Variants in PPL observed in about 807,000 individuals in gnomAD.
The protein encoded by PPL is periplakin.
PPL carries 198 observed loss-of-function variants against 194.4 expected under a neutral mutation model. That is an observed-to-expected ratio of 1.02 (90% CI 0.91 to 1.15). The LOEUF (loss-of-function observed/expected upper bound fraction) is 1.15. Among genes scored for constraint, PPL ranks in the 50% most tolerant of loss-of-function variants. PPL has a pLI of 0.00. For synonymous variants in PPL, 1,220 were observed against 972.4 expected (o/e 1.25, Z -4.74); for missense variants, 2,885 against 2,294.8 (o/e 1.26, Z -5.25).
chr16:4,915,099 C>T (rs897880493), intron 1 of PPL, among the ~76,000 whole-genome samples: 3 of 152,232 alleles, frequency 2.0e-5, no homozygotes, highest in African/African-American at 7.2e-5. Flanking sequence ...GGCCAGCTCC[C>T]AAACCAGCCC....
Position 4,888,212 on chromosome 16 carries a change from C to T in PPL, c.2404G>A (p.Glu802Lys), listed in dbSNP as rs1567991315. Residue 802 changes from glutamate to lysine, a missense_variant, in exon 20 of 22, where the codon GAG becomes AAG. Transcript: ENST00000345988. ...QQYQQAVKDY[E>K]LEAEKLRSLL... is the part of the protein sequence containing the mutation. ...GACCTTAGTTTTTCTGCTTCTAACT[C>T]ATAGTCCTGCATGAGGGAGAGACAT... 6.3e-7 allele frequency: 1 copy of T among 1,595,958 alleles called. No homozygotes were observed. The highest frequency in any genetic ancestry group is 2.2e-5 in the East Asian group (1 of 44,758).
intron 1 of PPL, among the ~76,000 whole-genome samples, chr16:4,920,572 A>C (rs936997669): frequency 1.3e-5 from 2 of 152,084 alleles, no homozygotes; most frequent in Middle Eastern, 3.4e-3. Context: ...AAGTGATTCT[A>C]CTGCCTCAGC....
chr16:4,934,247 G>A (rs1240487342), intron 1 of PPL, among the ~76,000 whole-genome samples: 3 of 152,030 alleles, frequency 2.0e-5, no homozygotes, highest in South Asian at 2.1e-4. Context: ...ACCCTGTCCC[G>A]GCCCTCCCCA....
At chr16:4,917,604 T>C (rs753632797) in intron 1 of PPL, among the ~76,000 whole-genome samples, 4 of 152,110 alleles carry the variant, frequency 2.6e-5, no homozygotes, top group African/African-American at 7.2e-5. Flanking sequence ...TCTGTGACTA[T>C]ATTAATATCC....
chr16:4,885,427 GTCC>G lies in PPL; in HGVS notation c.3225_3227del (p.Glu1075del). On this transcript the variant is annotated inframe_deletion, in exon 22 of 22. Transcript: ENST00000345988. This position sits in a 1 kb window ranked among gnomAD's most constrained non-coding sequence, Gnocchi z 6.3. ...CCCTGAGCTGGTCCTGGCGCTGGTG[GTCC>G]TCCTGCAGCTGCTGGTACTCTGCCT... 6.2e-7 allele frequency: 1 copy of G among 1,612,538 alleles called. No homozygotes were observed. The highest frequency in any genetic ancestry group is 8.5e-7 in the Non-Finnish European group (1 of 1,179,978).
Position 4,936,893 on chromosome 16 carries a change from C to G in PPL, c.62+91G>C, listed in dbSNP as rs368941545. On this transcript the variant is annotated intron_variant, in intron 1 of 21. Coordinates refer to ENST00000345988, the MANE Select transcript of PPL (RefSeq NM_002705.5). The stretch of plus-strand genomic sequence containing the variant: ...TCCCGGTTCCTGGACCCCCGTACCC[C>G]CCATTCCTACACTGCCCGGGAGGTC... 8.4e-6 allele frequency: 11 copies of G among 1,316,238 alleles called. No homozygotes were observed. The East Asian group carries it at 8.7e-5, about 10-fold the overall frequency. 81.5% of individuals were successfully genotyped at this position (1,316,238 alleles called of 1,614,324 possible).
chr16:4,889,191 C>G, intron 18 of PPL, 130 bp from the exon 19 acceptor site: 2 of 611,992 alleles, frequency 3.3e-6, no homozygotes, highest in East Asian at 6.0e-5. Flanking sequence ...TGAATGGCTC[C>G]CTTGTATACA....
At chr16:4,934,573 C>G (rs906979533) in intron 1 of PPL, among the ~76,000 whole-genome samples, 2 of 152,174 alleles carry the variant, frequency 1.3e-5, no homozygotes, top group African/African-American at 4.8e-5. Context: ...GTGAGGCATT[C>G]TGCTCTCAGT....
rs1388150983 is a variant in PPL, at chr16:4,891,752, G to A, written c.1968+59C>T. ...CATCTATCCAGACGGGCGGGTGGAT[G>A]TGCCAGATGCTCTCACCTGCTCAGA... On this transcript the variant is annotated intron_variant, in intron 16 of 21. Coordinates refer to ENST00000345988, the MANE Select transcript of PPL (RefSeq NM_002705.5). The A allele has an allele frequency of 4.6e-6, 7 of 1,535,666 alleles. No homozygotes were observed. The African/African-American group carries it at 6.9e-5, about 15-fold the overall frequency.
intron 21 of PPL, among the ~76,000 whole-genome samples, chr16:4,886,862 GC>G (rs2142330641): frequency 6.6e-6 from 1 of 152,250 alleles, no homozygotes; most frequent in African/African-American, 2.4e-5. Flanking sequence ...CAGGTGATCC[GC>G]CTGCCTCGGC....
intron 9 of PPL, among the ~76,000 whole-genome samples, chr16:4,897,457 C>T (rs1176861586): frequency 6.6e-6 from 1 of 151,822 alleles, no homozygotes; most frequent in African/African-American, 2.4e-5. Context: ...GGGAATCAGA[C>T]TCTGGCCCTG....
At position 4,937,015 on chromosome 16, in the gene PPL, C is replaced by T. The variant is rs779928355; in HGVS notation, c.31G>A (p.Gly11Ser). Residue 11 changes from glycine (G) to serine (S), a missense_variant, in exon 1 of 22, where the codon GGC becomes AGC. Gly to Ser is a moderately conservative substitution (Grantham distance 56). Coordinates refer to ENST00000345988, the MANE Select transcript of PPL (RefSeq NM_002705.5). The part of the protein sequence containing the change: MNSLFRKRNK[G>S]KYSPTVQTRS... ...GTCTGCACAGTGGGGCTGTATTTGC[C>T]TTTGTTTCTCTTCCTGAAGAGCGAG... 2.0e-6 allele frequency: 3 copies of T among 1,533,776 alleles called. No individual in the cohort carries two copies. The highest frequency in any genetic ancestry group is 2.6e-6 in the Non-Finnish European group (3 of 1,138,966).
intron 2 of PPL, among the ~76,000 whole-genome samples, chr16:4,908,783 T>A (rs1370308194): frequency 6.6e-6 from 1 of 152,218 alleles, no homozygotes; most frequent in African/African-American, 2.4e-5. Flanking sequence ...TCAGGTGATC[T>A]GCCTGCCTAG....
chr16:4,916,895 C>T lies in PPL; in HGVS notation c.63-5946G>A, dbSNP rs529712024. Among the ~76,000 whole-genome samples, 9 of 152,068 alleles carry T rather than the reference C, an allele frequency of 5.9e-5. No homozygotes were observed. In the South Asian group the frequency reaches 1.7e-3, roughly 28 times the overall value. On this transcript the variant is annotated intron_variant, in intron 1 of 21. Transcript: ENST00000345988. ...CTGCAATCCCAGCACTTTGGGAGGC[C>T]GAGGCAGGTGGATCACCTGAGGTCA...
At chr16:4,936,263 GC>G (rs540023516) in intron 1 of PPL, among the ~76,000 whole-genome samples, 2 of 152,294 alleles carry the variant, frequency 1.3e-5, no homozygotes, top group South Asian at 2.1e-4. Context: ...CGAAGAGGAG[GC>G]CCCGAAGCCG....
At position 4,883,401 on chromosome 16, in the gene PPL, C is replaced by G. The variant is rs554457564; in HGVS notation, c.5254G>C (p.Val1752Leu). The part of the protein sequence containing the change: ...DMSIQELAVL[V>L]SGQK ...AGCTGTGCCTACTTCTGCCCAGATA[C>G]CAAGACCGCCAGCTCCTGGATGGAC... The change falls in exon 22 of 22, where the codon GTA becomes CTA. Residue 1752 changes from valine (V) to leucine (L), a missense_variant. Transcript: ENST00000345988. This position sits in a 1 kb window ranked among gnomAD's most constrained non-coding sequence, Gnocchi z 4.8. The G allele has an allele frequency of 2.5e-6, 4 of 1,614,120 alleles. No homozygotes were observed. In the South Asian group the frequency reaches 4.4e-5, roughly 18 times the overall value.
intron 11 of PPL, 111 bp from the exon 12 acceptor site, chr16:4,894,729 T>A (rs993586063): frequency 1.6e-6 from 2 of 1,288,458 alleles, no homozygotes; most frequent in African/African-American, 2.9e-5. Context: ...GGCTCATCAC[T>A]TGGACCCTCC....
In PPL at chr16:4,903,936, C is replaced by T. The variant is rs536444424; in HGVS notation, c.267G>A (p.Ala89=). 1.3e-5 allele frequency: 21 copies of T among 1,614,074 alleles called. No individual in the cohort carries two copies. The highest frequency in any genetic ancestry group is 1.1e-4 in the African/African-American group (8 of 75,040). The part of the protein sequence containing the change: ...EKLLYVLEAD[A]AIAKHMKHPQ... Reference sequence around the variant, plus strand: ...GGTGCTTCATGTGCTTGGCAATGGCCGCATCCGCCTCTAGCACATAGAGCA... The same window carrying T: ...GGTGCTTCATGTGCTTGGCAATGGCTGCATCCGCCTCTAGCACATAGAGCA... The change falls in exon 3 of 22, where the codon GCG becomes GCA. Residue 89 remains alanine, a synonymous_variant. Transcript: ENST00000345988.
At chr16:4,929,483 C>T (rs1330512924) in intron 1 of PPL, among the ~76,000 whole-genome samples, 1 of 152,162 alleles carries the variant, frequency 6.6e-6, no homozygotes, top group African/African-American at 2.4e-5. Flanking sequence ...CTGGAAAACT[C>T]GTGATCTACT....
Sources: gnomAD v4.1 joint callset for allele counts (sites outside exome capture counted in the v4.1 genomes callset) on GRCh38, gnomAD v4.1.1 for gene constraint, Gnocchi (gnomAD v3.1) non-coding constraint, MANE v1.5 for transcripts, NCBI Gene and HGNC (gene_info 2026-07-23, HGNC 2026-07-21) for gene names.